Variants in CSNK2A2IP observed in about 807,000 individuals in gnomAD.
The protein encoded by CSNK2A2IP is casein kinase II subunit alpha'-interacting protein.
At chr3:88,348,174 TC>T in the CSNK2A2IP span, among the ~76,000 whole-genome samples, 1 of 137,966 alleles carries the variant, frequency 7.2e-6, no homozygotes, top group African/African-American at 2.6e-5. Context: ...CCATGTAGTT[TC>T]TGTAGACAGA....
At chr3:88,357,000 T>C in the CSNK2A2IP span, among the ~76,000 whole-genome samples, 1 of 152,196 alleles carries the variant, frequency 6.6e-6, no homozygotes, top group Non-Finnish European at 1.5e-5. Context: ...TTATTTATAT[T>C]TTGGTTATTA....
At chr3:88,445,796 T>C in the CSNK2A2IP span, among the ~76,000 whole-genome samples, 2 of 152,314 alleles carry the variant, frequency 1.3e-5, no homozygotes, top group Middle Eastern at 3.4e-3. Context: ...CAAACAATCA[T>C]ACTGCACAAG....
the CSNK2A2IP span, among the ~76,000 whole-genome samples, chr3:88,435,429 C>G: frequency 7.2e-5 from 11 of 152,246 alleles, no homozygotes; most frequent in Admixed American, 2.6e-4. Context: ...AGAAAATGGT[C>G]TCTTGGCCGT....
At chr3:88,437,475 T>G in the CSNK2A2IP span, among the ~76,000 whole-genome samples, 2 of 152,202 alleles carry the variant, frequency 1.3e-5, no homozygotes, top group Non-Finnish European at 1.5e-5. Flanking sequence ...TATGGTGCAA[T>G]ACCTTTATTA....
At chr3:88,423,959 T>C in the CSNK2A2IP span, among the ~76,000 whole-genome samples, 1 of 152,174 alleles carries the variant, frequency 6.6e-6, no homozygotes, top group African/African-American at 2.4e-5. Context: ...CTACTTATTA[T>C]AGGAGATATT....
the CSNK2A2IP span, among the ~76,000 whole-genome samples, chr3:88,456,348 T>C: frequency 6.6e-6 from 1 of 152,102 alleles, no homozygotes; most frequent in Non-Finnish European, 1.5e-5. Context: ...TTCCACTTAT[T>C]TGAGTTTTCA....
the CSNK2A2IP span, among the ~76,000 whole-genome samples, chr3:88,402,794 T>C: frequency 1.3e-5 from 2 of 151,976 alleles, no homozygotes; most frequent in African/African-American, 4.8e-5. Flanking sequence ...ATCCAGAATG[T>C]AAGGGGGATG....
At chr3:88,453,017 T>C in the CSNK2A2IP span, among the ~76,000 whole-genome samples, 4,175 of 152,188 alleles carry the variant, frequency 0.027, 89 homozygotes, top group Middle Eastern at 0.051. Flanking sequence ...TATATTTGTA[T>C]AAAAGTGAGA....
At chr3:88,405,681 T>C in the CSNK2A2IP span, among the ~76,000 whole-genome samples, 1 of 152,182 alleles carries the variant, frequency 6.6e-6, no homozygotes, top group Non-Finnish European at 1.5e-5. Context: ...TATTAAACTC[T>C]CTTCCAATTA....
At chr3:88,355,293 A>G in the CSNK2A2IP span, among the ~76,000 whole-genome samples, 1 of 152,256 alleles carries the variant, frequency 6.6e-6, no homozygotes, top group African/African-American at 2.4e-5. Context: ...GGGTACACAG[A>G]ATGAAGAAAG....
At chr3:88,363,563 T>A in the CSNK2A2IP span, among the ~76,000 whole-genome samples, 2 of 152,202 alleles carry the variant, frequency 1.3e-5, no homozygotes, top group African/African-American at 4.8e-5. Flanking sequence ...CTTTCATGCT[T>A]GGTAATCGTT....
chr3:88,427,175 C>A, the CSNK2A2IP span, among the ~76,000 whole-genome samples: 1 of 151,848 alleles, frequency 6.6e-6, no homozygotes, highest in Non-Finnish European at 1.5e-5. Context: ...AGATGAAGAA[C>A]TTGTTGGAAA....
At chr3:88,429,741 T>TG in the CSNK2A2IP span, among the ~76,000 whole-genome samples, 10 of 151,974 alleles carry the variant, frequency 6.6e-5, no homozygotes, top group Non-Finnish European at 1.0e-4. Flanking sequence ...GGAGCATTTT[T>TG]TTTGTTGTTG....
the CSNK2A2IP span, among the ~76,000 whole-genome samples, chr3:88,436,259 T>C: frequency 2.0e-5 from 3 of 152,244 alleles, no homozygotes; most frequent in Non-Finnish European, 4.4e-5. Flanking sequence ...GAATGAAAGG[T>C]TAATCAATTT....
the CSNK2A2IP span, among the ~76,000 whole-genome samples, chr3:88,440,099 T>C: frequency 6.6e-6 from 1 of 152,208 alleles, no homozygotes; most frequent in Non-Finnish European, 1.5e-5. Context: ...TGATTTCTTC[T>C]GGCTCTAAAA....
chr3:88,443,460 A>G, the CSNK2A2IP span, among the ~76,000 whole-genome samples: 1 of 152,218 alleles, frequency 6.6e-6, no homozygotes, highest in Non-Finnish European at 1.5e-5. Context: ...GGTCAGGCAG[A>G]TGAAGAGAAA....
At chr3:88,440,983 G>A in the CSNK2A2IP span, among the ~76,000 whole-genome samples, 65 of 152,150 alleles carry the variant, frequency 4.3e-4, no homozygotes, top group African/African-American at 1.5e-3. Context: ...AGGTGCAAAA[G>A]GAAACTTTGG....
chr3:88,443,428 G>A, the CSNK2A2IP span, among the ~76,000 whole-genome samples: 1 of 152,160 alleles, frequency 6.6e-6, no homozygotes. Flanking sequence ...AAGAGGTGCA[G>A]AGATCTGGGT....
At chr3:88,342,261 A>C in the CSNK2A2IP span, among the ~76,000 whole-genome samples, 2 of 152,058 alleles carry the variant, frequency 1.3e-5, no homozygotes. Context: ...TTACATATTA[A>C]GTTTGGCCTA....
Sources: gnomAD v4.1 joint callset for allele counts (sites outside exome capture counted in the v4.1 genomes callset) on GRCh38, gnomAD v4.1.1 for gene constraint, MANE v1.5 for transcripts, NCBI Gene and HGNC (gene_info 2026-07-23, HGNC 2026-07-21) for gene names.